Variants in PROSER2 observed in about 807,000 individuals in gnomAD.
PROSER2 encodes the protein proline and serine-rich protein 2.
PROSER2 carries 18 observed loss-of-function variants against 14.6 expected under a neutral mutation model. That is an observed-to-expected ratio of 1.23 (90% CI 0.85 to 1.83). The LOEUF (loss-of-function observed/expected upper bound fraction) is 1.83. Ranked by LOEUF, PROSER2 falls within the 40% of genes most tolerant of loss-of-function variation. The probability of loss-of-function intolerance (pLI) is 0.00; values close to 1 mark genes in which losing one functional copy is unlikely to be tolerated. For missense variants in PROSER2, 823 were observed against 629.8 expected (o/e 1.31, Z -3.28); for synonymous variants, 367 against 286.4 (o/e 1.28, Z -2.84).
Position 11,870,204 on chromosome 10 carries a change from G to A in PROSER2, c.1106G>A (p.Arg369His). ...FAPAGKSLCF[R>H]PGPALPSTRA... is the part of the protein sequence containing the mutation. Reference sequence around the variant, plus strand: ...CCCGCTGGGAAGTCCCTCTGCTTCCGCCCTGGCCCGGCCCTGCCCAGCACG... The same window carrying A: ...CCCGCTGGGAAGTCCCTCTGCTTCCACCCTGGCCCGGCCCTGCCCAGCACG... The change falls in exon 4 of 4, where the codon CGC becomes CAC. Residue 369 changes from arginine (R) to histidine (H), a missense_variant. Transcript: ENST00000277570. 1 of 1,489,924 alleles carries A rather than the reference G, an allele frequency of 6.7e-7. No individual in the cohort carries two copies. Among genetic ancestry groups the A allele is most frequent in the Non-Finnish European group, 8.9e-7 (1 of 1,127,118 alleles). 92.3% of individuals were successfully genotyped at this position (1,489,924 alleles called of 1,614,324 possible). A position where few individuals can be genotyped will look rare whatever the true frequency, so the allele number is the denominator to read the frequency against.
intron 1 of PROSER2, among the ~76,000 whole-genome samples, chr10:11,825,821 G>C (rs907062513): frequency 6.6e-6 from 1 of 152,160 alleles, no homozygotes; most frequent in Non-Finnish European, 1.5e-5. Flanking sequence ...TTCGGACTAG[G>C]TATTGCCAGA....
At chr10:11,858,851 A>G (rs1296259170) in intron 2 of PROSER2, among the ~76,000 whole-genome samples, 1 of 151,664 alleles carries the variant, frequency 6.6e-6, no homozygotes, top group Non-Finnish European at 1.5e-5. Context: ...TCTACTAAAA[A>G]TAAACAAGTT....
chr10:11,857,472 G>C (rs942456895), intron 2 of PROSER2: 1 of 152,154 alleles, frequency 6.6e-6, no homozygotes, highest in Non-Finnish European at 1.5e-5. Context: ...CGGGTGCAGT[G>C]GCTCACGCCT....
Position 11,834,104 on chromosome 10 carries a change from C to T in PROSER2, c.-82+10634C>T, listed in dbSNP as rs1017254917. 8.8e-5 allele frequency among the ~76,000 whole-genome samples: 13 copies of T among 147,090 alleles called. No individual in the cohort carries two copies. The Admixed American group carries it at 9.1e-4, about 10-fold the overall frequency. Reference sequence around the variant, plus strand: ...CTGCTTCTCGGGTTCAAGCGATTCTCCTGCTTCAGGTTCCCAAATAGCTGG... The same window carrying T: ...CTGCTTCTCGGGTTCAAGCGATTCTTCTGCTTCAGGTTCCCAAATAGCTGG... On this transcript the variant is annotated intron_variant, in intron 1 of 3. Transcript: ENST00000277570.
Position 11,840,316 on chromosome 10 carries a change from C to CT in PROSER2, c.-81-11680dup, listed in dbSNP as rs139741339. On this transcript the variant is annotated intron_variant, in intron 1 of 3. Transcript: ENST00000277570. Reference sequence around the variant, plus strand: ...TATTTAGTTAACAAAAAAATTCCTCCTAATTTGTGAAGTTTTAAAAACATT... The same window carrying CT: ...TATTTAGTTAACAAAAAAATTCCTCCTTAATTTGTGAAGTTTTAAAAACATT... Among the ~76,000 whole-genome samples the CT allele has an allele frequency of 8.5e-3, 1,288 of 151,374 alleles. 23 individuals carry two copies. Among genetic ancestry groups the CT allele is most frequent in the African/African-American group, 0.029 (1,215 of 41,330 alleles).
chr10:11,843,665 G>C (rs117537980), intron 1 of PROSER2, among the ~76,000 whole-genome samples: 3,147 of 148,238 alleles, frequency 0.021, 69 homozygotes, highest in Non-Finnish European at 0.033. Context: ...CAATCTGGAC[G>C]ACAGAGCGAG....
intron 2 of PROSER2, among the ~76,000 whole-genome samples, chr10:11,855,269 T>A (rs1445428637): frequency 6.6e-6 from 1 of 151,184 alleles, no homozygotes; most frequent in Non-Finnish European, 1.5e-5. Context: ...GTCAGGAGAT[T>A]GAGACCATCC....
At position 11,869,579 on chromosome 10, in the gene PROSER2, C is replaced by T. The variant is rs1299200209; in HGVS notation, c.481C>T (p.Pro161Ser). The T allele has an allele frequency of 6.2e-7, 1 of 1,610,132 alleles. No individual in the cohort carries two copies. The highest frequency in any genetic ancestry group is 8.5e-7 in the Non-Finnish European group (1 of 1,176,866). Residue 161 changes from proline (P) to serine (S), a missense_variant, in exon 4 of 4, where the codon CCA (proline) becomes TCA (serine). Pro to Ser is a moderately conservative substitution (Grantham distance 74). Coordinates refer to ENST00000277570, the MANE Select transcript of PROSER2 (RefSeq NM_153256.4). This position sits in a 1 kb window ranked among gnomAD's most constrained non-coding sequence, Gnocchi z 4.4. ...DPPAPETLLA[P>S]PPLPSTPDPP... ...CCCGGCTCCCGAGACCCTTCTTGCGCCACCACCCCTGCCTAGCACCCCCGA... is the reference window on the plus strand; with the variant it reads ...CCCGGCTCCCGAGACCCTTCTTGCGTCACCACCCCTGCCTAGCACCCCCGA...
At position 11,870,627 on chromosome 10, in the gene PROSER2, C is replaced by A; in HGVS notation, c.*221C>A. ...ACAGAGAACTCTTCCCTAAAGGAAT[C>A]TGGCCGAGGGCTTGTCTCCCTTTTC... On this transcript the variant is annotated 3_prime_UTR_variant, in exon 4 of 4. Transcript: ENST00000277570. The A allele has an allele frequency of 2.2e-6, 1 of 463,966 alleles. No homozygotes were observed. Among genetic ancestry groups the A allele is most frequent in the Non-Finnish European group, 3.9e-6 (1 of 256,920 alleles). The allele number at this position is 463,966 out of a possible 1,614,324, so 28.7% of individuals were successfully genotyped here.
intron 1 of PROSER2, among the ~76,000 whole-genome samples, chr10:11,824,130 G>C (rs1471886274): frequency 2.6e-5 from 4 of 152,264 alleles, no homozygotes; most frequent in Admixed American, 1.3e-4. Context: ...GTAGTTGTTT[G>C]GTGTATTTTT....
chr10:11,855,305 C>G (rs1314192001), intron 2 of PROSER2, among the ~76,000 whole-genome samples: 1 of 151,514 alleles, frequency 6.6e-6, no homozygotes, highest in Non-Finnish European at 1.5e-5. Context: ...AACCCCGTCT[C>G]TACTAAAAAT....
chr10:11,825,220 T>C (rs1375222746), intron 1 of PROSER2, among the ~76,000 whole-genome samples: 1 of 149,274 alleles, frequency 6.7e-6, no homozygotes, highest in African/African-American at 2.5e-5. Flanking sequence ...AGGGCCTGCG[T>C]AGAGCAGAGC....
intron 1 of PROSER2, among the ~76,000 whole-genome samples, chr10:11,847,154 A>AATAAATATATAT (rs1197050251): frequency 2.8e-3 from 251 of 88,170 alleles, no homozygotes; most frequent in African/African-American, 7.7e-3. Context: ...AACATAAATA[A>AATAAATATATAT]ATATATATAT....
At chr10:11,833,984 C>CTT (rs35005102) in intron 1 of PROSER2, among the ~76,000 whole-genome samples, 2,598 of 48,234 alleles carry the variant, frequency 0.054, 287 homozygotes, top group Middle Eastern at 0.065. Context: ...GTAGCTCTTT[C>CTT]TTTTTTTTTT....
intron 2 of PROSER2, among the ~76,000 whole-genome samples, chr10:11,858,998 G>A (rs1834179050): frequency 3.0e-5 from 3 of 100,160 alleles, no homozygotes; most frequent in African/African-American, 7.8e-5. Context: ...AACAAAGCGA[G>A]ACTCTGTCTC....
intron 1 of PROSER2, among the ~76,000 whole-genome samples, chr10:11,829,377 G>A (rs1833659946): frequency 6.6e-6 from 1 of 151,054 alleles, no homozygotes; most frequent in Admixed American, 6.7e-5. Flanking sequence ...TTGAACCCAG[G>A]AGTTTGAGAC....
rs1340793177 is a variant in PROSER2, at chr10:11,823,805, C to T, written c.-82+335C>T. On this transcript the variant is annotated intron_variant, in intron 1 of 3. Transcript: ENST00000277570. The surrounding 1 kb of genome is among the most constrained non-coding windows in gnomAD (Gnocchi z 6.2). ...TCCCAGCCTTGGGCGCAGAGGGTCC[C>T]CGCTGTCCCCACCGTCCGTCCCCCA... is the stretch of plus-strand genomic sequence containing the variant. Among the ~76,000 whole-genome samples, 1 of 152,128 alleles carries T rather than the reference C, an allele frequency of 6.6e-6. No individual in the cohort carries two copies. The highest frequency in any genetic ancestry group is 6.5e-5 in the Admixed American group (1 of 15,276).
chr10:11,827,682 CTT>C (rs10625176), intron 1 of PROSER2, among the ~76,000 whole-genome samples: 7 of 143,342 alleles, frequency 4.9e-5, no homozygotes, highest in Non-Finnish European at 6.1e-5. Context: ...CATGGAAGTC[CTT>C]TTTTTTTTTT....
At chr10:11,826,136 CT>C (rs1833608861) in intron 1 of PROSER2, among the ~76,000 whole-genome samples, 1 of 152,200 alleles carries the variant, frequency 6.6e-6, no homozygotes, top group Admixed American at 6.5e-5. Flanking sequence ...TCTGTGGCCT[CT>C]TGTGTCTGGC....
Sources: allele counts gnomAD v4.1 joint callset (sites outside exome capture counted in the v4.1 genomes callset), GRCh38; gene constraint gnomAD v4.1.1; non-coding constraint Gnocchi (gnomAD v3.1); transcripts MANE v1.5; gene names NCBI Gene and HGNC (gene_info 2026-07-23, HGNC 2026-07-21).